The following MC2R variants were observed in gnomAD, a reference collection of about 807,000 sequenced individuals.
MC2R encodes the protein adrenocorticotropic hormone receptor.
MC2R carries 9 observed loss-of-function variants against 9.8 expected under a neutral mutation model. The observed-to-expected ratio is 0.92, with a 90% CI of 0.55 to 1.60. The LOEUF is 1.60. MC2R is among the 40% of genes most tolerant of loss of function. The pLI, the probability that MC2R is intolerant of heterozygous loss-of-function variation, is 0.00. For missense variants in MC2R, 370 were observed against 389.0 expected (o/e 0.95, Z 0.41); for synonymous variants, 185 against 154.7 (o/e 1.20, Z -1.45).
intron 1 of MC2R, among the ~76,000 whole-genome samples, chr18:13,897,828 C>T (rs774291485): frequency 6.6e-6 from 1 of 152,000 alleles, no homozygotes; most frequent in Non-Finnish European, 1.5e-5. Context: ...GCATTCATCA[C>T]CTGCTACCTG....
At position 13,884,369 on chromosome 18, in the gene MC2R, C is replaced by A. The variant is rs2045257897; in HGVS notation, c.*256G>T. ...GGCAAAAACCTTAATTACTTTTGTA[C>A]CTACCTAATACTTTGTATTCTATCC... On this transcript the variant is annotated 3_prime_UTR_variant, in exon 2 of 2. Transcript: ENST00000327606. 4 of 542,648 alleles carry A rather than the reference C, an allele frequency of 7.4e-6. No homozygotes were observed. Among genetic ancestry groups the A allele is most frequent in the Non-Finnish European group, 1.3e-5 (4 of 301,740 alleles). 33.6% of individuals were successfully genotyped at this position (542,648 alleles called of 1,614,324 possible).
Position 13,884,543 on chromosome 18 carries a change from A to G in MC2R, c.*82T>C. 1.4e-6 allele frequency: 2 copies of G among 1,458,964 alleles called. No homozygotes were observed. Among genetic ancestry groups the G allele is most frequent in the Non-Finnish European group, 1.9e-6 (2 of 1,052,138 alleles). 90.4% of individuals were successfully genotyped at this position (1,458,964 alleles called of 1,614,324 possible). A position where few individuals can be genotyped will look rare whatever the true frequency, so the allele number is the denominator to read the frequency against. On this transcript the variant is annotated 3_prime_UTR_variant, in exon 2 of 2. Transcript: ENST00000327606. ...TAGGGAAGGAAGGCCAGTGAGGAGC[A>G]CTGGCATTTGTTGGAATGTTACACT...
chr18:13,897,536 T>G (rs1598464560), intron 1 of MC2R, among the ~76,000 whole-genome samples: 2 of 151,986 alleles, frequency 1.3e-5, no homozygotes, highest in East Asian at 3.9e-4. Flanking sequence ...CCAGCTGGGG[T>G]GGCTAAGGGA....
At chr18:13,912,817 C>T (rs926899109) in intron 1 of MC2R, among the ~76,000 whole-genome samples, 2 of 152,158 alleles carry the variant, frequency 1.3e-5, no homozygotes, top group South Asian at 2.1e-4. Context: ...CAGCAGAGCT[C>T]GCTATGGTAG....
intron 1 of MC2R, among the ~76,000 whole-genome samples, chr18:13,905,312 C>A (rs549751291): frequency 2.0e-5 from 3 of 152,066 alleles, no homozygotes; most frequent in Non-Finnish European, 4.4e-5. Flanking sequence ...ATGGTGAAAC[C>A]CCGTCTCTAC....
intron 1 of MC2R, among the ~76,000 whole-genome samples, chr18:13,889,860 G>T (rs2045305001): frequency 1.3e-5 from 2 of 151,958 alleles, no homozygotes; most frequent in Admixed American, 6.6e-5. Context: ...TATTCTCTCT[G>T]ACTCACCCCT....
chr18:13,887,642 G>A (rs2149135872), intron 1 of MC2R, among the ~76,000 whole-genome samples: 1 of 152,278 alleles, frequency 6.6e-6, no homozygotes, highest in African/African-American at 2.4e-5. Flanking sequence ...TCTGGGATGG[G>A]GGAGGGCCTT....
chr18:13,909,310 C>T (rs2045431563), intron 1 of MC2R, among the ~76,000 whole-genome samples: 1 of 152,230 alleles, frequency 6.6e-6, no homozygotes, highest in Non-Finnish European at 1.5e-5. Flanking sequence ...CATCAAGGGA[C>T]ACGCTATCAA....
rs2045249136 is a variant in MC2R at position 13,883,616 on chromosome 18, CACACACACACACTCT to C, written c.*994_*1008del. The C allele has an allele frequency of 2.5e-5, 2 of 78,470 alleles. No homozygotes were observed. The highest frequency in any genetic ancestry group is 2.8e-4 in the Admixed American group (2 of 7,046). The allele number at this position is 78,470 out of a possible 1,614,324, so 4.9% of individuals were successfully genotyped here. A position where few individuals can be genotyped will look rare whatever the true frequency, so the allele number is the denominator to read the frequency against. ...ACACACACACACACACACACACACA[CACACACACACACTCT>C]CTCTCTCTCTCTCTCTCTCTCTCTC... is the stretch of plus-strand genomic sequence containing the variant. On this transcript the variant is annotated 3_prime_UTR_variant, in exon 2 of 2. Transcript: ENST00000327606.
At chr18:13,912,401 T>C (rs2045449669) in intron 1 of MC2R, among the ~76,000 whole-genome samples, 1 of 152,120 alleles carries the variant, frequency 6.6e-6, no homozygotes, top group African/African-American at 2.4e-5. Flanking sequence ...GCTTGGTTAT[T>C]CCAAAGAGCC....
At chr18:13,899,084 C>T (rs8094137) in intron 1 of MC2R, among the ~76,000 whole-genome samples, 79,799 of 152,012 alleles carry the variant, frequency 0.52, 22,197 homozygotes, top group African/African-American at 0.72. Flanking sequence ...TTCAAAACAC[C>T]TGTATTGAAG....
At chr18:13,889,826 C>G (rs370081451) in intron 1 of MC2R, among the ~76,000 whole-genome samples, 4 of 152,152 alleles carry the variant, frequency 2.6e-5, no homozygotes, top group Non-Finnish European at 5.9e-5. Flanking sequence ...TTTTAATCCT[C>G]TTGTTGACAA....
chr18:13,897,348 C>A (rs575636250), intron 1 of MC2R, among the ~76,000 whole-genome samples: 93 of 152,304 alleles, frequency 6.1e-4, no homozygotes, highest in African/African-American at 2.2e-3. Context: ...ATCGCTGACC[C>A]CAATGGTCGG....
intron 1 of MC2R, among the ~76,000 whole-genome samples, chr18:13,903,644 T>C (rs1401334922): frequency 6.6e-6 from 1 of 152,130 alleles, no homozygotes. Flanking sequence ...CTCATGGGCA[T>C]AGAGAGTAGA....
At position 13,884,980 on chromosome 18, in the gene MC2R, G is replaced by A. The variant is rs1450506072; in HGVS notation, c.539C>T (p.Ser180Leu). ...HHVPTVITFT[S>L]LFPLMLVFIL... ...GAAGACCAGCATCAGCGGGAACAGC[G>A]ACGTGAAGGTGATCACTGTGGGCAC... Residue 180 changes from serine (S) to leucine (L), a missense_variant, in exon 2 of 2, where the codon TCG becomes TTG. By Grantham distance (145) the Ser-to-Leu change is moderately radical. Transcript: ENST00000327606. 2.5e-6 allele frequency: 4 copies of A among 1,614,136 alleles called. No individual in the cohort carries two copies. Among genetic ancestry groups the A allele is most frequent in the Non-Finnish European group, 3.4e-6 (4 of 1,180,034 alleles).
At chr18:13,898,524 G>A (rs1045759554) in intron 1 of MC2R, among the ~76,000 whole-genome samples, 1 of 152,222 alleles carries the variant, frequency 6.6e-6, no homozygotes, top group African/African-American at 2.4e-5. Flanking sequence ...GGCCTTGAGT[G>A]AACACAGGCG....
At chr18:13,892,311 C>T (rs779713447) in intron 1 of MC2R, among the ~76,000 whole-genome samples, 2 of 151,566 alleles carry the variant, frequency 1.3e-5, no homozygotes, top group South Asian at 4.2e-4. Context: ...AGATTACTGG[C>T]TTTGACTCAA....
chr18:13,905,259 G>A (rs1483826713), intron 1 of MC2R, among the ~76,000 whole-genome samples: 4 of 152,146 alleles, frequency 2.6e-5, no homozygotes, highest in Admixed American at 2.0e-4. Context: ...AGACATTTAT[G>A]CGGCCAACAA....
intron 1 of MC2R, among the ~76,000 whole-genome samples, chr18:13,888,758 A>C (rs956855209): frequency 6.6e-6 from 1 of 152,224 alleles, no homozygotes; most frequent in Non-Finnish European, 1.5e-5. Flanking sequence ...GATTGCCTGT[A>C]GAACACACTA....
Sources: allele counts gnomAD v4.1 joint callset (sites outside exome capture counted in the v4.1 genomes callset), GRCh38; gene constraint gnomAD v4.1.1; transcripts MANE v1.5; gene names NCBI Gene and HGNC (gene_info 2026-07-23, HGNC 2026-07-21).